Variants in PDE2A observed in about 807,000 individuals in gnomAD.
PDE2A encodes cGMP-dependent 3',5'-cyclic phosphodiesterase.
PDE2A carries 53 observed loss-of-function variants against 133.6 expected under a neutral mutation model. That is an observed-to-expected ratio of 0.40 (90% CI 0.32 to 0.50). The LOEUF (loss-of-function observed/expected upper bound fraction) is 0.50, where lower values mean the gene tolerates loss of function less well. Ranked by LOEUF, PDE2A falls within the 20% of genes least tolerant of loss-of-function variation. The pLI is 0.73. For synonymous variants in PDE2A, 491 were observed against 490.2 expected (o/e 1.00, Z -0.02); for missense variants, 796 against 1,232.4 (o/e 0.65, Z 5.30).
At position 72,626,766 on chromosome 11, in the gene PDE2A, A is replaced by G. The variant is rs1858099781; in HGVS notation, c.144+15488T>C. Among the ~76,000 whole-genome samples, 3 of 152,072 alleles carry G rather than the reference A, an allele frequency of 2.0e-5. No homozygotes were observed. In the South Asian group the frequency reaches 6.2e-4, roughly 32 times the overall value. ...GTGCTACCCCCGCAGCTGGGCCCAC[A>G]TATTCACTGGTGGCCTCAGCCTCAC... is the stretch of plus-strand genomic sequence containing the variant. On this transcript the variant is annotated intron_variant, in intron 2 of 30. Coordinates refer to ENST00000334456, the MANE Select transcript of PDE2A (RefSeq NM_002599.5).
At chr11:72,606,417 G>A (rs541092833) in intron 3 of PDE2A, among the ~76,000 whole-genome samples, 5 of 152,258 alleles carry the variant, frequency 3.3e-5, no homozygotes, top group Non-Finnish European at 5.9e-5. Flanking sequence ...CTCTGAGAGC[G>A]TCCACAATCC....
At chr11:72,668,970 T>C (rs1855320069) in intron 1 of PDE2A, 1 of 1,003,202 alleles carries the variant, frequency 1.0e-6, no homozygotes, top group Non-Finnish European at 1.2e-6. Flanking sequence ...TTTCTGAAAG[T>C]GTGGCTGATC....
At chr11:72,625,848 C>T (rs895983398) in intron 2 of PDE2A, among the ~76,000 whole-genome samples, 1 of 152,330 alleles carries the variant, frequency 6.6e-6, no homozygotes, top group East Asian at 1.9e-4. Flanking sequence ...GAAGGACACA[C>T]GGAGGCCAGT....
chr11:72,589,104 GA>G, intron 12 of PDE2A, 70 bp downstream of exon 12: 1 of 1,409,544 alleles, frequency 7.1e-7, no homozygotes, highest in East Asian at 2.3e-5. Context: ...CTCTGTAACA[GA>G]GACCCTGGCT....
chr11:72,634,137 G>A lies in PDE2A; in HGVS notation c.144+8117C>T, dbSNP rs138034059. 4.6e-5 allele frequency among the ~76,000 whole-genome samples: 7 copies of A among 152,322 alleles called. No individual in the cohort carries two copies. The East Asian group carries it at 1.4e-3, about 29-fold the overall frequency. ...CCTCACGGGGATGGGGAGGGCCTGA[G>A]GGCAAGCGGAGATGAGAAGAGGGAA... On this transcript the variant is annotated intron_variant, in intron 2 of 30. Transcript: ENST00000334456.
rs773517642 is a variant in PDE2A, at chr11:72,580,564, A to C, written c.2181+13T>G. 1.7e-5 allele frequency: 26 copies of C among 1,559,816 alleles called. No individual in the cohort carries two copies. Among genetic ancestry groups the C allele is most frequent in the African/African-American group, 2.7e-5 (2 of 74,274 alleles). On this transcript the variant is annotated intron_variant, in intron 25 of 30. Coordinates refer to ENST00000334456, the MANE Select transcript of PDE2A (RefSeq NM_002599.5). ...AAGGGGAAGAAGGACGGGGTGGGAC[A>C]GAAGAGTGATACCTCCATGACGGAG...
At chr11:72,642,454 C>T in intron 1 of PDE2A, 128 bp from the exon 2 acceptor site, 2 of 1,062,866 alleles carry the variant, frequency 1.9e-6, no homozygotes, top group Non-Finnish European at 2.3e-6. Context: ...GCCTGGTCCG[C>T]CCGAGTGTCC....
intron 1 of PDE2A, among the ~76,000 whole-genome samples, chr11:72,668,658 T>C (rs529298321): frequency 6.6e-5 from 10 of 152,348 alleles, no homozygotes; most frequent in Non-Finnish European, 1.3e-4. Context: ...TTACTGCAAA[T>C]TCACAACAGA....
chr11:72,585,398 TC>T lies in PDE2A; in HGVS notation c.1258del (p.Glu420ArgfsTer57). 1 of 1,614,150 alleles carries T rather than the reference TC, an allele frequency of 6.2e-7. No individual in the cohort carries two copies. Among genetic ancestry groups the T allele is most frequent in the Non-Finnish European group, 8.5e-7 (1 of 1,180,000 alleles). ...CTCTGCGTTGCTGAGGTTTCTGGCC[TC>T]CGTGATGATCTCCTGGAGCAGGACA... Reference protein sequence around the residue: ...VSVLLQEIITEARNLSNAEIC... With the variant: ...VSVLLQEIITXARNLSNAEIC... On this transcript the variant is annotated frameshift_variant, in exon 16 of 31. Transcript: ENST00000334456. LOFTEE classifies it high-confidence loss of function.
rs142048397 is a variant in PDE2A at position 72,644,433 on chromosome 11, A to G, written c.72-2107T>C. ...TCTCTTCCGTAAAAGGGGATGACCCATGTAAGGGCTGTTGGAAGGACTAGG... is the reference window on the plus strand; with the variant it reads ...TCTCTTCCGTAAAAGGGGATGACCCGTGTAAGGGCTGTTGGAAGGACTAGG... On this transcript the variant is annotated intron_variant, in intron 1 of 30. Coordinates refer to ENST00000334456, the MANE Select transcript of PDE2A (RefSeq NM_002599.5). Among the ~76,000 whole-genome samples, 121 of 152,360 alleles carry G rather than the reference A, an allele frequency of 7.9e-4. 1 individual carries two copies. In the East Asian group the frequency reaches 0.02, roughly 25 times the overall value.
chr11:72,599,296 C>T (rs943735035), intron 4 of PDE2A, among the ~76,000 whole-genome samples: 3 of 152,072 alleles, frequency 2.0e-5, no homozygotes, highest in African/African-American at 4.8e-5. Flanking sequence ...GGCCTCATGA[C>T]TCTCCAGCCC....
chr11:72,619,984 G>C (rs1220735022), intron 2 of PDE2A, among the ~76,000 whole-genome samples: 1 of 152,112 alleles, frequency 6.6e-6, no homozygotes, highest in African/African-American at 2.4e-5. Flanking sequence ...GTGCACATTA[G>C]AAAGGAGGGA....
chr11:72,658,134 C>T (rs1035546990), intron 1 of PDE2A: 1 of 456,152 alleles, frequency 2.2e-6, no homozygotes, highest in Non-Finnish European at 4.4e-6. Flanking sequence ...AGCTAATCCT[C>T]CCATCCAATC....
chr11:72,582,050 A>T, intron 21 of PDE2A, 103 bp from the exon 22 acceptor site: 1 of 897,256 alleles, frequency 1.1e-6, no homozygotes, highest in Non-Finnish European at 1.8e-6. Context: ...GGAGTCTTAG[A>T]AACTTACATC....
chr11:72,674,386 C>T lies in PDE2A; in HGVS notation c.-179G>A, dbSNP rs1216435661. On this transcript the variant is annotated 5_prime_UTR_variant, in exon 1 of 31. Transcript: ENST00000334456. ...CTCTGCTGCCCCGCTGCTCCCGCCT[C>T]TCCCGCTGCCACTGCCTCTGCTGCT... 2.9e-5 allele frequency: 17 copies of T among 588,732 alleles called. No individual in the cohort carries two copies. Among genetic ancestry groups the T allele is most frequent in the Non-Finnish European group, 2.4e-5 (8 of 335,740 alleles). The allele number at this position is 588,732 out of a possible 1,614,324, so 36.5% of individuals were successfully genotyped here.
intron 2 of PDE2A, among the ~76,000 whole-genome samples, chr11:72,610,115 C>T (rs562805206): frequency 6.6e-6 from 1 of 152,148 alleles, no homozygotes; most frequent in Non-Finnish European, 1.5e-5. Flanking sequence ...GTGACTAAGA[C>T]TGGATAACCC....
chr11:72,588,679 G>A (rs577506974), intron 13 of PDE2A, 105 bp downstream of exon 13: 5 of 1,111,190 alleles, frequency 4.5e-6, no homozygotes, highest in Middle Eastern at 4.2e-4. Context: ...CTGCTGCTGA[G>A]ACAGTAGCCC....
At chr11:72,627,570 C>T (rs1006112610) in intron 2 of PDE2A, among the ~76,000 whole-genome samples, 6 of 152,182 alleles carry the variant, frequency 3.9e-5, no homozygotes, top group Non-Finnish European at 7.3e-5. Flanking sequence ...GTGGCTGTAG[C>T]GCTGGCTGTC....
chr11:72,585,173 A>G, intron 16 of PDE2A, 198 bp downstream of exon 16: 1 of 644,034 alleles, frequency 1.6e-6, no homozygotes, highest in Non-Finnish European at 2.7e-6. Flanking sequence ...GGAGCTGAGG[A>G]TCCAAAGCCA....
Sources: gnomAD v4.1 joint callset for allele counts (sites outside exome capture counted in the v4.1 genomes callset) on GRCh38, gnomAD v4.1.1 for gene constraint, MANE v1.5 for transcripts, NCBI Gene and HGNC (gene_info 2026-07-23, HGNC 2026-07-21) for gene names.